JADE2: variants seen among roughly 807,000 people sequenced by gnomAD.
JADE2 encodes the protein E3 ubiquitin-protein ligase Jade-2.
Under a neutral mutation model 85.7 loss-of-function variants are expected in JADE2, and 13 were observed. The ratio of observed to expected loss-of-function variants is 0.15; its 90% CI spans 0.10 to 0.24. The LOEUF (loss-of-function observed/expected upper bound fraction) is 0.24. Among genes scored for constraint, JADE2 ranks in the 10% least tolerant of loss-of-function variants. The probability of loss-of-function intolerance (pLI) is 1.00; values close to 1 mark genes in which losing one functional copy is unlikely to be tolerated. For synonymous variants in JADE2, 440 were observed against 456.1 expected, an observed-to-expected ratio of 0.96 and a Z score of 0.45; for missense variants, 846 against 1,115.9, an observed-to-expected ratio of 0.76 and a Z score of 3.45.
intron 10 of JADE2, among the ~76,000 whole-genome samples, chr5:134,576,004 C>G (rs1040002815): frequency 6.6e-6 from 1 of 152,140 alleles, no homozygotes; most frequent in Non-Finnish European, 1.5e-5. Context: ...AGTTCAAGAC[C>G]AGTCTGGGCA....
intron 3 of JADE2, among the ~76,000 whole-genome samples, chr5:134,550,934 C>T (rs1303361462): frequency 1.3e-5 from 2 of 152,134 alleles, no homozygotes; most frequent in East Asian, 3.9e-4. Flanking sequence ...GCCTTCCTAC[C>T]CCCCCTTCCC....
chr5:134,569,457 C>G (rs939619722), intron 9 of JADE2, among the ~76,000 whole-genome samples: 12 of 152,242 alleles, frequency 7.9e-5, no homozygotes, highest in African/African-American at 2.7e-4. Flanking sequence ...CCAGCGGACG[C>G]TCGGAAGGCA....
At chr5:134,560,078 G>T in intron 5 of JADE2, 88 bp downstream of exon 5, 1 of 1,453,696 alleles carries the variant, frequency 6.9e-7, no homozygotes, top group Non-Finnish European at 9.6e-7. Flanking sequence ...CCCAGGCAGG[G>T]CTATGGTATG....
chr5:134,579,723 C>T lies in JADE2; in HGVS notation c.*406C>T, dbSNP rs1194885864. 1.1e-5 allele frequency: 2 copies of T among 181,292 alleles called. No homozygotes were observed. The highest frequency in any genetic ancestry group is 2.3e-5 in the Non-Finnish European group (2 of 86,040). 11.2% of individuals were successfully genotyped at this position (181,292 alleles called of 1,614,324 possible). A position where few individuals can be genotyped will look rare whatever the true frequency, so the allele number is the denominator to read the frequency against. The stretch of plus-strand genomic sequence containing the variant: ...CCAGTCCAGGGCCTACCCCGCCTTG[C>T]CCCCAGATCCCACTGGGGTCCATTT... On this transcript the variant is annotated 3_prime_UTR_variant, in exon 12 of 12. Transcript: ENST00000681547. The surrounding 1 kb of genome is among the most constrained non-coding windows in gnomAD (Gnocchi z 4.6).
At position 134,560,023 on chromosome 5, in the gene JADE2, G is replaced by A. The variant is rs528867392; in HGVS notation, c.472+33G>A. ...ACCACTGCATTAAGAATGGGATCAC[G>A]GCTGGGCAGGGAGGGTTTTCTCCCC... On this transcript the variant is annotated intron_variant, in intron 5 of 11. Transcript: ENST00000681547. 19 of 1,611,844 alleles carry A rather than the reference G, an allele frequency of 1.2e-5. No individual in the cohort carries two copies. The Admixed American group carries it at 1.8e-4, about 16-fold the overall frequency.
intron 1 of JADE2, chr5:134,533,486 A>C (rs886856859): frequency 2.3e-5 from 22 of 972,860 alleles, no homozygotes; most frequent in Non-Finnish European, 7.3e-6. Context: ...GAACCCATCA[A>C]CAACTTCTGC....
At chr5:134,561,988 G>C (rs1763350466) in intron 6 of JADE2, among the ~76,000 whole-genome samples, 1 of 152,156 alleles carries the variant, frequency 6.6e-6, no homozygotes, top group African/African-American at 2.4e-5. Flanking sequence ...TGAAATGGTG[G>C]CATTTCAGGC....
intron 3 of JADE2, among the ~76,000 whole-genome samples, chr5:134,544,113 G>A (rs1762146687): frequency 6.6e-6 from 1 of 152,268 alleles, no homozygotes; most frequent in Admixed American, 6.5e-5. Context: ...TCCCCAAGCA[G>A]GCTGTCTTGA....
At chr5:134,574,252 T>G in intron 10 of JADE2, 1 of 208,254 alleles carries the variant, frequency 4.8e-6, no homozygotes. Context: ...GCATCCGCGG[T>G]GTTTTTCACT....
At chr5:134,526,764 T>C in intron 1 of JADE2, 1 of 984,982 alleles carries the variant, frequency 1.0e-6, no homozygotes. Flanking sequence ...TCCAGGTGAG[T>C]GTGGAGGGTG....
chr5:134,547,377 G>A (rs1762354649), intron 3 of JADE2, among the ~76,000 whole-genome samples: 1 of 152,212 alleles, frequency 6.6e-6, no homozygotes, highest in Admixed American at 6.5e-5. Context: ...GCAGAACTTG[G>A]TTGCTAGGCA....
chr5:134,535,173 C>A (rs1761507324), intron 1 of JADE2, among the ~76,000 whole-genome samples: 1 of 152,190 alleles, frequency 6.6e-6, no homozygotes, highest in African/African-American at 2.4e-5. Flanking sequence ...GTCCTTAATA[C>A]CTTGAAGTTA....
rs2150035028 is a variant in JADE2 at position 134,579,517 on chromosome 5, T to C, written c.*200T>C. The C allele has an allele frequency of 1.8e-6, 1 of 551,574 alleles. No individual in the cohort carries two copies. The highest frequency in any genetic ancestry group is 1.9e-5 in the African/African-American group (1 of 53,316). 34.2% of individuals were successfully genotyped at this position (551,574 alleles called of 1,614,324 possible). On this transcript the variant is annotated 3_prime_UTR_variant, in exon 12 of 12. Coordinates refer to ENST00000681547, the MANE Select transcript of JADE2 (RefSeq NM_001388185.1). This position sits in a 1 kb window ranked among gnomAD's most constrained non-coding sequence, Gnocchi z 4.6. ...CTGTGCTGGCCTAGGACATTAGGAT[T>C]CCTTCCACGGCTCCGGCCGCTAGGA...
chr5:134,536,224 A>G (rs1761577559), intron 2 of JADE2, among the ~76,000 whole-genome samples: 1 of 152,066 alleles, frequency 6.6e-6, no homozygotes, highest in Non-Finnish European at 1.5e-5. Context: ...ATATTAAGTG[A>G]AGGTCCATAT....
intron 3 of JADE2, among the ~76,000 whole-genome samples, chr5:134,540,346 G>A (rs1193595897): frequency 6.6e-6 from 1 of 151,708 alleles, no homozygotes; most frequent in Non-Finnish European, 1.5e-5. Context: ...AGCTTCCCGA[G>A]TAGCTAGAAC....
At chr5:134,564,328 C>T (rs1763504713) in intron 7 of JADE2, 166 bp from the exon 8 acceptor site, 1 of 541,888 alleles carries the variant, frequency 1.8e-6, no homozygotes, top group Non-Finnish European at 3.4e-6. Flanking sequence ...GAATTCCGGC[C>T]TTTGAGCCAT....
At chr5:134,549,677 C>A (rs1350192252) in intron 3 of JADE2, among the ~76,000 whole-genome samples, 1 of 152,040 alleles carries the variant, frequency 6.6e-6, no homozygotes, top group Non-Finnish European at 1.5e-5. Flanking sequence ...AAAAAAGTTA[C>A]AGCCCAGGAT....
chr5:134,534,658 G>T (rs570931111), intron 1 of JADE2, among the ~76,000 whole-genome samples: 115 of 152,288 alleles, frequency 7.6e-4, no homozygotes, highest in Non-Finnish European at 2.2e-4. Flanking sequence ...GGGGTTGGGG[G>T]CAGCTGGAGT....
At chr5:134,559,141 G>T (rs1421134669) in intron 4 of JADE2, among the ~76,000 whole-genome samples, 1 of 152,182 alleles carries the variant, frequency 6.6e-6, no homozygotes, top group African/African-American at 2.4e-5. Context: ...CATTGTATCT[G>T]GGAGAAGGGC....
Sources: gnomAD v4.1 joint callset for allele counts (sites outside exome capture counted in the v4.1 genomes callset) on GRCh38, gnomAD v4.1.1 for gene constraint, Gnocchi (gnomAD v3.1) non-coding constraint, MANE v1.5 for transcripts, NCBI Gene and HGNC (gene_info 2026-07-23, HGNC 2026-07-21) for gene names.